The following CDYL2 variants were observed in gnomAD, a reference collection of about 807,000 sequenced individuals.
The protein encoded by CDYL2 is chromodomain Y like 2, also known as chromodomain Y-like protein 2.
CDYL2 carries 23 observed loss-of-function variants against 49.4 expected under a neutral mutation model. That is an observed-to-expected ratio of 0.47 (90% CI 0.34 to 0.66). The LOEUF (loss-of-function observed/expected upper bound fraction) is 0.66, where lower values mean the gene tolerates loss of function less well. Among genes scored for constraint, CDYL2 ranks in the 30% least tolerant of loss-of-function variants. CDYL2 has a pLI of 0.01. For synonymous variants in CDYL2, 360 were observed against 268.8 expected, an observed-to-expected ratio of 1.34 and a Z score of -3.32; for missense variants, 678 against 656.4, an observed-to-expected ratio of 1.03 and a Z score of -0.36.
chr16:80,602,904 G>T lies in CDYL2; in HGVS notation c.*1484C>A, dbSNP rs1031714365. On this transcript the variant is annotated 3_prime_UTR_variant, in exon 7 of 7. Coordinates refer to ENST00000570137, the MANE Select transcript of CDYL2 (RefSeq NM_152342.4). Reference sequence around the variant, plus strand: ...TTCCATTTGTCTGCTCTCAACTTCAGGTTTTCCTGAACTTTCTCCTCACCA... The same window carrying T: ...TTCCATTTGTCTGCTCTCAACTTCATGTTTTCCTGAACTTTCTCCTCACCA... The T allele has an allele frequency of 4.4e-5, 5 of 114,906 alleles. No individual in the cohort carries two copies. The highest frequency in any genetic ancestry group is 1.7e-4 in the African/African-American group (4 of 22,908). The allele number at this position is 114,906 out of a possible 1,614,324, so 7.1% of individuals were successfully genotyped here. A position where few individuals can be genotyped will look rare whatever the true frequency, so the allele number is the denominator to read the frequency against.
Position 80,743,278 on chromosome 16 carries a change from G to C in CDYL2, c.25-58149C>G, listed in dbSNP as rs77352038. On this transcript the variant is annotated intron_variant, in intron 1 of 6. Transcript: ENST00000570137. ...AGTAAAACCTTAAATGGTAAGCGCA[G>C]ACATTGTGAGGGAGCCCTCAAACCA... is the stretch of plus-strand genomic sequence containing the variant. 8.0e-3 allele frequency among the ~76,000 whole-genome samples: 1,222 copies of C among 152,260 alleles called. 23 individuals are homozygous for C. The highest frequency in any genetic ancestry group is 0.028 in the African/African-American group (1,161 of 41,550).
chr16:80,642,148 A>G (rs1908122884), intron 2 of CDYL2, among the ~76,000 whole-genome samples: 2 of 152,174 alleles, frequency 1.3e-5, no homozygotes, highest in Admixed American at 6.5e-5. Context: ...TAAGGTATAA[A>G]ATATTTATTA....
intron 2 of CDYL2, among the ~76,000 whole-genome samples, chr16:80,660,903 G>A (rs564935789): frequency 5.6e-4 from 85 of 152,110 alleles, no homozygotes; most frequent in Non-Finnish European, 1.1e-3. Flanking sequence ...GACACAGAAG[G>A]AAAGATAGAA....
chr16:80,799,788 G>A (rs945809059), intron 1 of CDYL2, among the ~76,000 whole-genome samples: 5 of 152,338 alleles, frequency 3.3e-5, no homozygotes, highest in Non-Finnish European at 7.3e-5. Context: ...CTTTCAAGAG[G>A]TGGGAGAATC....
intron 2 of CDYL2, among the ~76,000 whole-genome samples, chr16:80,662,470 G>GT (rs1392375645): frequency 6.6e-6 from 1 of 152,074 alleles, no homozygotes; most frequent in Non-Finnish European, 1.5e-5. Context: ...TCTTCTGGTT[G>GT]TTTGTACACC....
rs1235669925 is a variant in CDYL2, at chr16:80,735,893, A to G, written c.25-50764T>C. Among the ~76,000 whole-genome samples the G allele has an allele frequency of 2.0e-5, 3 of 152,158 alleles. No individual in the cohort carries two copies. In the East Asian group the frequency reaches 5.8e-4, roughly 29 times the overall value. On this transcript the variant is annotated intron_variant, in intron 1 of 6. Coordinates refer to ENST00000570137, the MANE Select transcript of CDYL2 (RefSeq NM_152342.4). Reference sequence around the variant, plus strand: ...CTCCAACACAGCCTGTCCACATCCAAGGCTAGAGAGAGCAGGGCAAGGCAG... The same window carrying G: ...CTCCAACACAGCCTGTCCACATCCAGGGCTAGAGAGAGCAGGGCAAGGCAG...
At chr16:80,689,234 ACT>A (rs1910316884) in intron 1 of CDYL2, among the ~76,000 whole-genome samples, 1 of 151,994 alleles carries the variant, frequency 6.6e-6, no homozygotes, top group South Asian at 2.1e-4. Flanking sequence ...CTAATGTGAG[ACT>A]CTGCTCTATT....
intron 2 of CDYL2, among the ~76,000 whole-genome samples, chr16:80,654,579 G>A (rs1490835790): frequency 1.3e-5 from 2 of 152,150 alleles, no homozygotes; most frequent in Admixed American, 6.5e-5. Context: ...CTGCATACAG[G>A]GCCCTGGGTC....
At chr16:80,605,097 G>A (rs1277602804) in intron 6 of CDYL2, among the ~76,000 whole-genome samples, 12 of 151,856 alleles carry the variant, frequency 7.9e-5, no homozygotes, top group Admixed American at 7.2e-4. Flanking sequence ...AAAAATCATA[G>A]GAATGAATAA....
intron 1 of CDYL2, among the ~76,000 whole-genome samples, chr16:80,803,504 G>C (rs1907990724): frequency 6.6e-6 from 1 of 151,936 alleles, no homozygotes; most frequent in African/African-American, 2.4e-5. Flanking sequence ...GAGGGCGTCC[G>C]AGCTGGTGCG....
chr16:80,713,613 G>C (rs763635064), intron 1 of CDYL2, among the ~76,000 whole-genome samples: 1 of 152,098 alleles, frequency 6.6e-6, no homozygotes, highest in Non-Finnish European at 1.5e-5. Context: ...TTGCACAGAT[G>C]AACACATTAA....
At chr16:80,653,449 G>C (rs1464165760) in intron 2 of CDYL2, among the ~76,000 whole-genome samples, 1 of 152,140 alleles carries the variant, frequency 6.6e-6, no homozygotes, top group East Asian at 1.9e-4. Context: ...TGGGCAACAA[G>C]AGTGAAACTC....
rs1907053148 is a variant in CDYL2 at position 80,620,889 on chromosome 16, T to C, written c.881A>G (p.Asp294Gly). 3 of 1,611,248 alleles carry C rather than the reference T, an allele frequency of 1.9e-6. No individual in the cohort carries two copies. The highest frequency in any genetic ancestry group is 2.7e-5 in the African/African-American group (2 of 74,880). ...TGCGCTGAGGAGCAGCAGTTTGCTG[T>C]CGTCTGTGGCTGCGTTGCAGAGCGC... is the stretch of plus-strand genomic sequence containing the variant. ...RRALCNAATD[D>G]SKLLLLSAVG... Residue 294 changes from aspartate to glycine, a missense_variant, in exon 4 of 7, where the codon GAC (aspartate) becomes GGC (glycine). By Grantham distance (94) the Asp-to-Gly change is moderately conservative. This residue lies in a region of CDYL2 where 478 missense variants were observed against 427.0 expected (regional missense o/e 1.12). Coordinates refer to ENST00000570137, the MANE Select transcript of CDYL2 (RefSeq NM_152342.4).
chr16:80,771,815 G>C (rs1025318872), intron 1 of CDYL2, among the ~76,000 whole-genome samples: 6 of 152,108 alleles, frequency 3.9e-5, no homozygotes, highest in Admixed American at 2.6e-4. Context: ...CTCAGAGAAA[G>C]AGTTTTAAGA....
At chr16:80,699,472 T>G (rs180837544) in intron 1 of CDYL2, among the ~76,000 whole-genome samples, 1 of 152,100 alleles carries the variant, frequency 6.6e-6, no homozygotes, top group Non-Finnish European at 1.5e-5. Flanking sequence ...GTTGATCTCA[T>G]AGAAGTAGAG....
At position 80,720,658 on chromosome 16, in the gene CDYL2, C is replaced by G. The variant is rs557201297; in HGVS notation, c.25-35529G>C. On this transcript the variant is annotated intron_variant, in intron 1 of 6. Coordinates refer to ENST00000570137, the MANE Select transcript of CDYL2 (RefSeq NM_152342.4). ...CTGGGAAAACATGCTCCTGGCATTT[C>G]TTCCTGGGATTCAGGGTGCATTTTC... Among the ~76,000 whole-genome samples the G allele has an allele frequency of 2.6e-5, 4 of 152,318 alleles. No individual in the cohort carries two copies. The South Asian group carries it at 8.3e-4, about 32-fold the overall frequency.
intron 1 of CDYL2, among the ~76,000 whole-genome samples, chr16:80,739,964 T>G (rs1226538402): frequency 6.6e-6 from 1 of 152,154 alleles, no homozygotes; most frequent in African/African-American, 2.4e-5. Flanking sequence ...ATGAAACGAC[T>G]TGGGGGCAAT....
chr16:80,801,157 C>A (rs1385947766), intron 1 of CDYL2, among the ~76,000 whole-genome samples: 1 of 152,218 alleles, frequency 6.6e-6, no homozygotes, highest in Non-Finnish European at 1.5e-5. Context: ...CACTTTCGAT[C>A]CAGACAGATA....
intron 2 of CDYL2, among the ~76,000 whole-genome samples, chr16:80,666,207 G>T (rs968235875): frequency 5.3e-5 from 8 of 152,182 alleles, no homozygotes; most frequent in African/African-American, 1.9e-4. Flanking sequence ...TGAACACACG[G>T]AGCCTCTTTC....
Sources: allele counts gnomAD v4.1 joint callset (sites outside exome capture counted in the v4.1 genomes callset), GRCh38; gene constraint gnomAD v4.1.1; regional missense constraint gnomAD v4.1.1; transcripts MANE v1.5; gene names NCBI Gene and HGNC (gene_info 2026-07-23, HGNC 2026-07-21).